The following ENPP6 variants were observed in gnomAD, a reference collection of about 807,000 sequenced individuals.
ENPP6 encodes the protein glycerophosphocholine cholinephosphodiesterase ENPP6.
A neutral mutation model predicts 42.0 loss-of-function variants in ENPP6; 32 were observed. The ratio of observed to expected loss-of-function variants is 0.76; its 90% CI spans 0.58 to 1.02. The LOEUF is 1.02. Ranked by LOEUF, ENPP6 falls within the 50% of genes least tolerant of loss-of-function variation. The pLI is 0.00. For missense variants in ENPP6, 552 were observed against 566.8 expected (o/e 0.97, Z 0.27); for synonymous variants, 213 against 216.0 (o/e 0.99, Z 0.12).
chr4:184,146,326 G>T (rs1005339967), intron 2 of ENPP6, among the ~76,000 whole-genome samples: 7 of 151,876 alleles, frequency 4.6e-5, no homozygotes, highest in African/African-American at 1.7e-4. Context: ...AGCTACTCGG[G>T]AGGCTGAGGC....
chr4:184,097,767 A>C (rs1220239520), intron 6 of ENPP6, among the ~76,000 whole-genome samples: 6 of 152,134 alleles, frequency 3.9e-5, no homozygotes, highest in Admixed American at 3.9e-4. Context: ...GAGGATAAGA[A>C]TGTCTTTCGC....
chr4:184,148,874 ATC>A (rs1217002240), intron 2 of ENPP6, among the ~76,000 whole-genome samples: 1 of 152,206 alleles, frequency 6.6e-6, no homozygotes, highest in Admixed American at 6.5e-5. Flanking sequence ...CAGCATTGTA[ATC>A]TCTTATACTA....
At chr4:184,161,644 C>G (rs895034676) in intron 1 of ENPP6, among the ~76,000 whole-genome samples, 1 of 148,182 alleles carries the variant, frequency 6.7e-6, no homozygotes, top group African/African-American at 2.4e-5. Context: ...GCTCATTAAT[C>G]AATGAGTGGA....
chr4:184,099,273 C>T (rs943821169), intron 6 of ENPP6, among the ~76,000 whole-genome samples: 5 of 152,226 alleles, frequency 3.3e-5, no homozygotes, highest in Non-Finnish European at 5.9e-5. Flanking sequence ...TCCTCACTCA[C>T]GGAGTGTGGC....
chr4:184,094,394 G>A (rs1481406380), intron 7 of ENPP6, among the ~76,000 whole-genome samples: 1 of 152,192 alleles, frequency 6.6e-6, no homozygotes, highest in Admixed American at 6.5e-5. Flanking sequence ...ATATGAAATC[G>A]AATTCTGTGC....
chr4:184,206,165 G>A (rs2871395), intron 1 of ENPP6, among the ~76,000 whole-genome samples: 50,541 of 151,730 alleles, frequency 0.33, 8,674 homozygotes, highest in South Asian at 0.38. Context: ...GGGAAGGAGG[G>A]CGGAGGGGAC....
At chr4:184,141,062 T>TCAC (rs1394286890) in intron 2 of ENPP6, among the ~76,000 whole-genome samples, 5 of 133,014 alleles carry the variant, frequency 3.8e-5, no homozygotes, top group Middle Eastern at 3.7e-3. Context: ...AAACAACCCG[T>TCAC]CAAAAAGTGG....
intron 1 of ENPP6, among the ~76,000 whole-genome samples, chr4:184,216,249 G>A (rs1291198447): frequency 6.6e-6 from 1 of 152,234 alleles, no homozygotes; most frequent in East Asian, 1.9e-4. Context: ...CACATGCCAG[G>A]GGAGGGCCAG....
chr4:184,128,834 A>G (rs1222209336), intron 2 of ENPP6, among the ~76,000 whole-genome samples: 1 of 152,248 alleles, frequency 6.6e-6, no homozygotes, highest in Non-Finnish European at 1.5e-5. Flanking sequence ...CTGGTCAAAA[A>G]GAAAATCTCA....
rs758733703 is a variant in ENPP6 at position 184,153,657 on chromosome 4, G to A, written c.318C>T (p.Gly106=). 21 of 1,614,020 alleles carry A rather than the reference G, an allele frequency of 1.3e-5. No individual in the cohort carries two copies. The Middle Eastern group carries it at 4.9e-4, about 38-fold the overall frequency. ...DPTTNKSFDI[G]VNKDSLMPLW... is the part of the protein sequence containing the mutation. ...GAGGCATTAGGCTGTCTTTGTTGAC[G>A]CCAATGTCAAAGGACTTGTTGGTGG... is the stretch of plus-strand genomic sequence containing the variant. The change falls in exon 2 of 8, where the codon GGC becomes GGT. Residue 106 remains glycine (G), a synonymous_variant. Coordinates refer to ENST00000296741, the MANE Select transcript of ENPP6 (RefSeq NM_153343.4).
chr4:184,173,003 C>A (rs1431022306), intron 1 of ENPP6, among the ~76,000 whole-genome samples: 1 of 152,118 alleles, frequency 6.6e-6, no homozygotes, highest in Non-Finnish European at 1.5e-5. Context: ...CACCAGGGTT[C>A]AAGCAATTCT....
rs771396720 is a variant in ENPP6 at position 184,112,680 on chromosome 4, T to C, written c.985A>G (p.Ile329Val). ...LTLVADEGWF[I>V]TENREMLPFW... ...ACATATTTCATAATTACCTCAGTTA[T>C]GAACCAGCCTTCATCAGCCACTAAA... is the stretch of plus-strand genomic sequence containing the variant. The change falls in exon 6 of 8, where the codon ATA becomes GTA. Residue 329 changes from isoleucine (I) to valine (V), a missense_variant. This residue lies in a region of ENPP6 where 545 missense variants were observed against 546.3 expected (regional missense o/e 1.00). Coordinates refer to ENST00000296741, the MANE Select transcript of ENPP6 (RefSeq NM_153343.4). 2.5e-6 allele frequency: 4 copies of C among 1,613,948 alleles called. No homozygotes were observed. The highest frequency in any genetic ancestry group is 3.4e-6 in the Non-Finnish European group (4 of 1,179,984).
At chr4:184,126,621 T>C (rs1269655843) in intron 2 of ENPP6, among the ~76,000 whole-genome samples, 1 of 152,210 alleles carries the variant, frequency 6.6e-6, no homozygotes, top group Non-Finnish European at 1.5e-5. Flanking sequence ...ATCTTCCAAC[T>C]TGCAGAAAGC....
At chr4:184,146,577 C>T (rs1051507138) in intron 2 of ENPP6, among the ~76,000 whole-genome samples, 2 of 152,206 alleles carry the variant, frequency 1.3e-5, no homozygotes, top group East Asian at 1.9e-4. Context: ...CAGAGCTGGC[C>T]GGGGTGCCCC....
chr4:184,183,851 G>A (rs1476293158), intron 1 of ENPP6, among the ~76,000 whole-genome samples: 1 of 152,216 alleles, frequency 6.6e-6, no homozygotes, highest in African/African-American at 2.4e-5. Context: ...TTTCCATCTA[G>A]GTGAAGCCCT....
At chr4:184,114,475 A>C (rs1366297973) in intron 5 of ENPP6, among the ~76,000 whole-genome samples, 1 of 152,208 alleles carries the variant, frequency 6.6e-6, no homozygotes, top group Admixed American at 6.5e-5. Flanking sequence ...ACTTAAGGAA[A>C]TCCGGAGTTC....
At chr4:184,183,514 CACACAT>C (rs990448190) in intron 1 of ENPP6, among the ~76,000 whole-genome samples, 1 of 148,810 alleles carries the variant, frequency 6.7e-6, no homozygotes, top group African/African-American at 2.6e-5. Context: ...CACACACACA[CACACAT>C]TCACACACAC....
chr4:184,142,245 C>T (rs981081711), intron 2 of ENPP6, among the ~76,000 whole-genome samples: 29 of 152,330 alleles, frequency 1.9e-4, no homozygotes, highest in African/African-American at 6.7e-4. Context: ...GCTCCTGCTG[C>T]CTGCCAACTT....
chr4:184,189,534 C>T (rs574554949), intron 1 of ENPP6, among the ~76,000 whole-genome samples: 11 of 152,160 alleles, frequency 7.2e-5, no homozygotes, highest in African/African-American at 1.4e-4. Flanking sequence ...GGTTTGAGTC[C>T]GCAGCACTGG....
Sources: gnomAD v4.1 joint callset for allele counts (sites outside exome capture counted in the v4.1 genomes callset) on GRCh38, gnomAD v4.1.1 for gene constraint, gnomAD v4.1.1 regional missense constraint, MANE v1.5 for transcripts, NCBI Gene and HGNC (gene_info 2026-07-23, HGNC 2026-07-21) for gene names.